ABCA13: variants seen among roughly 807,000 people sequenced by gnomAD.
ABCA13 encodes ATP-binding cassette sub-family A member 13.
In ABCA13, 476 loss-of-function variants were observed where a neutral mutation model predicts 478.7. The ratio of observed to expected loss-of-function variants is 0.99; its 90% CI spans 0.92 to 1.07. The LOEUF is 1.07. Among genes scored for constraint, ABCA13 ranks in the 50% least tolerant of loss-of-function variants. The probability of loss-of-function intolerance (pLI) is 0.00; values close to 1 mark genes in which losing one functional copy is unlikely to be tolerated. For missense variants in ABCA13, 6,060 were observed against 5,910.6 expected (o/e 1.03, Z -0.83); for synonymous variants, 2,252 against 2,158.9 (o/e 1.04, Z -1.20).
intron 42 of ABCA13, among the ~76,000 whole-genome samples, chr7:48,433,170 A>G (rs975353442): frequency 3.9e-5 from 6 of 151,994 alleles, no homozygotes; most frequent in Admixed American, 3.9e-4. Context: ...TCAAACACAT[A>G]CATGTAAAAT....
intron 55 of ABCA13, among the ~76,000 whole-genome samples, chr7:48,539,594 A>G (rs1462389010): frequency 2.0e-5 from 3 of 152,204 alleles, no homozygotes; most frequent in South Asian, 4.1e-4. Context: ...GTTTCCTTGT[A>G]TCATTCTGAC....
intron 49 of ABCA13, among the ~76,000 whole-genome samples, chr7:48,507,122 A>C (rs1479895948): frequency 6.6e-6 from 1 of 152,166 alleles, no homozygotes; most frequent in Non-Finnish European, 1.5e-5. Context: ...AATGATTTTC[A>C]GGGTTCTAGC....
intron 55 of ABCA13, among the ~76,000 whole-genome samples, chr7:48,528,601 T>A (rs1181367503): frequency 6.6e-6 from 1 of 152,104 alleles, no homozygotes; most frequent in Non-Finnish European, 1.5e-5. Context: ...CTGGGAGGTA[T>A]CAGAGTGGAT....
intron 41 of ABCA13, among the ~76,000 whole-genome samples, chr7:48,417,227 G>A (rs1249035154): frequency 2.0e-5 from 3 of 152,152 alleles, no homozygotes; most frequent in Non-Finnish European, 4.4e-5. Context: ...GATCTGTGAC[G>A]GGGTCAAATG....
At chr7:48,217,149 C>T (rs1786608092) in intron 3 of ABCA13, among the ~76,000 whole-genome samples, 1 of 152,158 alleles carries the variant, frequency 6.6e-6, no homozygotes, top group South Asian at 2.1e-4. Context: ...TGTGTATTTA[C>T]TGTAGCACAA....
chr7:48,219,615 A>G, intron 4 of ABCA13, 110 bp downstream of exon 4: 1 of 1,370,346 alleles, frequency 7.3e-7, no homozygotes, highest in Non-Finnish European at 9.9e-7. Context: ...TGCCTGTGCT[A>G]AACTTTCATA....
intron 59 of ABCA13, among the ~76,000 whole-genome samples, chr7:48,642,588 A>C (rs1009205107): frequency 6.6e-6 from 1 of 152,086 alleles, no homozygotes; most frequent in Non-Finnish European, 1.5e-5. Flanking sequence ...GCCCAACACC[A>C]CCTGAGATAA....
chr7:48,180,514 G>A (rs191795575), intron 1 of ABCA13, among the ~76,000 whole-genome samples: 1 of 152,248 alleles, frequency 6.6e-6, no homozygotes, highest in East Asian at 1.9e-4. Flanking sequence ...TCCGCCTCCT[G>A]GGTTCAAACA....
intron 45 of ABCA13, among the ~76,000 whole-genome samples, chr7:48,475,393 T>C (rs1352943131): frequency 6.6e-6 from 1 of 152,102 alleles, no homozygotes; most frequent in Admixed American, 6.5e-5. Flanking sequence ...GGAAAAATAT[T>C]TCTCTTCCCT....
intron 58 of ABCA13, among the ~76,000 whole-genome samples, chr7:48,612,469 C>CT (rs1792120909): frequency 6.6e-6 from 1 of 152,126 alleles, no homozygotes; most frequent in Admixed American, 6.5e-5. Flanking sequence ...GACAGTCATA[C>CT]TTTTTTGTGT....
At chr7:48,293,542 A>C (rs943757082) in intron 20 of ABCA13, among the ~76,000 whole-genome samples, 2 of 152,224 alleles carry the variant, frequency 1.3e-5, no homozygotes, top group African/African-American at 4.8e-5. Context: ...GAAGCAAATA[A>C]ATTCTGATGA....
At chr7:48,251,663 A>T (rs1446515262) in intron 15 of ABCA13, among the ~76,000 whole-genome samples, 1 of 151,884 alleles carries the variant, frequency 6.6e-6, no homozygotes, top group Non-Finnish European at 1.5e-5. Flanking sequence ...ATTTTTACTA[A>T]ATATGTATAT....
At chr7:48,569,078 T>A (rs542269532) in intron 55 of ABCA13, among the ~76,000 whole-genome samples, 3 of 152,064 alleles carry the variant, frequency 2.0e-5, no homozygotes, top group Non-Finnish European at 4.4e-5. Context: ...AAGATTTGAT[T>A]ATGATTATTT....
At position 48,528,321 on chromosome 7, in the gene ABCA13, A is replaced by G. The variant is rs200721822; in HGVS notation, c.14330A>G (p.His4777Arg). Residue 4777 changes from histidine (H) to arginine (R), a missense_variant, in exon 55 of 62, where the codon CAT becomes CGT. Physicochemically the swap from His to Arg is conservative, Grantham distance 29. Transcript: ENST00000435803. ...GGTGAAGTTTCTCTAACTTCAGGACATGCTATCATCAGGACTCCCATGGGG... is the reference window on the plus strand; with the variant it reads ...GGTGAAGTTTCTCTAACTTCAGGACGTGCTATCATCAGGACTCCCATGGGG... Reference protein sequence around the residue: ...LNGEVSLTSGHAIIRTPMGDA... With the variant: ...LNGEVSLTSGRAIIRTPMGDA... 1.9e-6 allele frequency: 3 copies of G among 1,567,714 alleles called. No individual in the cohort carries two copies. In the South Asian group the frequency reaches 3.5e-5, roughly 19 times the overall value.
rs530775115 is a variant in ABCA13 at position 48,415,397 on chromosome 7, C to T, written c.12459+2814C>T. Among the ~76,000 whole-genome samples the T allele has an allele frequency of 3.0e-4, 46 of 152,242 alleles. 1 individual carries two copies. The highest frequency in any genetic ancestry group is 5.1e-4 in the Non-Finnish European group (35 of 68,012). ...CATGTCTGTCTCTCTAATCATTCAC[C>T]GGGTTAATCCGGTTGTTTACTAGTT... On this transcript the variant is annotated intron_variant, in intron 41 of 61. Transcript: ENST00000435803.
intron 50 of ABCA13, among the ~76,000 whole-genome samples, chr7:48,508,365 G>A (rs776718183): frequency 6.6e-6 from 1 of 152,162 alleles, no homozygotes; most frequent in African/African-American, 2.4e-5. Context: ...GGTAGCAGAT[G>A]AGGTGATAAA....
intron 27 of ABCA13, among the ~76,000 whole-genome samples, chr7:48,320,031 A>T (rs184187658): frequency 1.3e-5 from 2 of 152,320 alleles, no homozygotes; most frequent in African/African-American, 4.8e-5. Flanking sequence ...CCTTAAAGAC[A>T]GTGGAGGTCA....
intron 38 of ABCA13, among the ~76,000 whole-genome samples, chr7:48,398,860 G>C (rs1003020163): frequency 6.6e-6 from 1 of 152,122 alleles, no homozygotes; most frequent in African/African-American, 2.4e-5. Context: ...GAGAGATGGG[G>C]AGAAAACAGC....
intron 3 of ABCA13, among the ~76,000 whole-genome samples, chr7:48,203,824 A>C (rs1034886708): frequency 1.3e-5 from 2 of 152,158 alleles, no homozygotes; most frequent in African/African-American, 4.8e-5. Flanking sequence ...TCCCACCCTT[A>C]GTCTACAGCA....
Sources: gnomAD v4.1 joint callset for allele counts (sites outside exome capture counted in the v4.1 genomes callset) on GRCh38, gnomAD v4.1.1 for gene constraint, MANE v1.5 for transcripts, NCBI Gene and HGNC (gene_info 2026-07-23, HGNC 2026-07-21) for gene names.